The following XPNPEP3 variants were observed in gnomAD, a reference collection of about 807,000 sequenced individuals.
XPNPEP3 encodes xaa-Pro aminopeptidase 3.
In XPNPEP3, 41 loss-of-function variants were observed where a neutral mutation model predicts 60.0. That is an observed-to-expected ratio of 0.68 (90% confidence interval 0.53 to 0.89). XPNPEP3 has a LOEUF of 0.89. Among genes scored for constraint, XPNPEP3 ranks in the 40% least tolerant of loss-of-function variants. The probability of loss-of-function intolerance (pLI) is 0.00; values close to 1 mark genes in which losing one functional copy is unlikely to be tolerated. For synonymous variants in XPNPEP3, 212 were observed against 223.2 expected (o/e 0.95, Z 0.45); for missense variants, 598 against 638.9 (o/e 0.94, Z 0.69).
intron 7 of XPNPEP3, among the ~76,000 whole-genome samples, chr22:40,920,112 A>T (rs1035486121): frequency 5.9e-5 from 9 of 152,196 alleles, no homozygotes; most frequent in Non-Finnish European, 8.8e-5. Flanking sequence ...TCATGCCTGT[A>T]ATCCTAGGAC....
intron 1 of XPNPEP3, chr22:40,860,433 T>C (rs1293833131): frequency 1.6e-5 from 5 of 315,010 alleles, no homozygotes; most frequent in Non-Finnish European, 2.9e-5. Flanking sequence ...TGTAGTACCT[T>C]TAAGTTATAA....
chr22:40,924,963 A>G (rs543202262), intron 9 of XPNPEP3, among the ~76,000 whole-genome samples: 1 of 152,314 alleles, frequency 6.6e-6, no homozygotes, highest in Non-Finnish European at 1.5e-5. Flanking sequence ...TGACTCCTCC[A>G]ATAAACAACA....
chr22:40,895,324 G>T (rs1168225599), intron 4 of XPNPEP3, among the ~76,000 whole-genome samples: 2 of 151,810 alleles, frequency 1.3e-5, no homozygotes, highest in South Asian at 2.1e-4. Flanking sequence ...TTTTAATAGA[G>T]ATTAGTGCTT....
intron 2 of XPNPEP3, among the ~76,000 whole-genome samples, chr22:40,876,157 A>G (rs2058027020): frequency 1.3e-5 from 2 of 152,246 alleles, no homozygotes; most frequent in African/African-American, 4.8e-5. Context: ...ACCTAAAGAA[A>G]TGAATAATAA....
intron 4 of XPNPEP3, among the ~76,000 whole-genome samples, chr22:40,903,434 CTACTTAA>C (rs938737565): frequency 2.6e-5 from 4 of 151,952 alleles, no homozygotes; most frequent in Middle Eastern, 3.5e-3. Flanking sequence ...CCAGCAAAGA[CTACTTAA>C]TACTTAAACA....
rs879446006 is a variant in XPNPEP3 at position 40,867,492 on chromosome 22, T to G, written c.65-1507T>G. Among the ~76,000 whole-genome samples the G allele has an allele frequency of 3.9e-5, 6 of 152,206 alleles. No individual in the cohort carries two copies. In the East Asian group the frequency reaches 7.7e-4, roughly 20 times the overall value. On this transcript the variant is annotated intron_variant, in intron 1 of 9. Transcript: ENST00000357137. ...AAGATTGTTTAGAAAAATCATAGCT[T>G]CTTCTAAAAAGATTTAAAAAAAAGA...
chr22:40,873,789 C>G (rs1466025999), intron 2 of XPNPEP3, among the ~76,000 whole-genome samples: 2 of 151,294 alleles, frequency 1.3e-5, no homozygotes, highest in African/African-American at 2.4e-5. Flanking sequence ...CGAGCAAGAC[C>G]GTCTCAAAAA....
chr22:40,914,529 A>AGATTTTTTT (rs2058188547), intron 7 of XPNPEP3, among the ~76,000 whole-genome samples: 1 of 145,162 alleles, frequency 6.9e-6, no homozygotes, highest in Admixed American at 6.9e-5. Context: ...TAACTAACAA[A>AGATTTTTTT]GATTTTTTTT....
intron 3 of XPNPEP3, among the ~76,000 whole-genome samples, chr22:40,883,744 AT>A (rs879368257): frequency 2.6e-5 from 4 of 151,996 alleles, no homozygotes; most frequent in Non-Finnish European, 5.9e-5. Context: ...ATGTTTTGAG[AT>A]TTTTCTTCTG....
intron 1 of XPNPEP3, among the ~76,000 whole-genome samples, chr22:40,857,630 TAAC>T (rs1403208457): frequency 2.0e-5 from 3 of 152,382 alleles, no homozygotes; most frequent in Non-Finnish European, 2.9e-5. Flanking sequence ...GCATGTTTAG[TAAC>T]AAATTCTTTC....
At chr22:40,861,256 A>G (rs776432350) in intron 1 of XPNPEP3, 3 of 1,614,038 alleles carry the variant, frequency 1.9e-6, no homozygotes, top group African/African-American at 2.7e-5. Flanking sequence ...TTTGGTGAAT[A>G]GTTGTTGAAT....
chr22:40,914,338 A>G lies in XPNPEP3; in HGVS notation c.1055+14A>G. 6.2e-7 allele frequency: 1 copy of G among 1,606,510 alleles called. No homozygotes were observed. The highest frequency in any genetic ancestry group is 8.5e-7 in the Non-Finnish European group (1 of 1,173,208). On this transcript the variant is annotated intron_variant, in intron 7 of 9. Coordinates refer to ENST00000357137, the MANE Select transcript of XPNPEP3 (RefSeq NM_022098.4). Reference sequence around the variant, plus strand: ...AGTCAATGGCAGGTAGGGCTTCTACAGAGTAACGTATCCCACTGCTTCTTA... The same window carrying G: ...AGTCAATGGCAGGTAGGGCTTCTACGGAGTAACGTATCCCACTGCTTCTTA...
chr22:40,886,192 C>T (rs938418616), intron 3 of XPNPEP3, 121 bp from the exon 4 acceptor site: 3 of 974,384 alleles, frequency 3.1e-6, no homozygotes, highest in South Asian at 1.3e-5. Context: ...AGTCTCAACA[C>T]TTTAGAGTTC....
At chr22:40,886,875 G>A (rs1037212056) in intron 4 of XPNPEP3, among the ~76,000 whole-genome samples, 4 of 151,222 alleles carry the variant, frequency 2.6e-5, no homozygotes, top group Non-Finnish European at 4.4e-5. Flanking sequence ...TTTCCAGATT[G>A]GAAAAATCGT....
At chr22:40,907,500 T>A in intron 4 of XPNPEP3, 87 bp from the exon 5 acceptor site, 1 of 1,368,408 alleles carries the variant, frequency 7.3e-7, no homozygotes, top group African/African-American at 1.4e-5. Context: ...GAAAAGGTGC[T>A]TTTCATTTGA....
intron 4 of XPNPEP3, among the ~76,000 whole-genome samples, chr22:40,892,883 C>T (rs901289832): frequency 2.6e-5 from 4 of 151,980 alleles, no homozygotes; most frequent in African/African-American, 9.7e-5. Flanking sequence ...CTCTCCACCT[C>T]CTTATGCCTA....
chr22:40,913,132 C>T (rs774699858), intron 6 of XPNPEP3, among the ~76,000 whole-genome samples: 1 of 152,110 alleles, frequency 6.6e-6, no homozygotes, highest in East Asian at 1.9e-4. Context: ...TAGAGATATA[C>T]TTAAAGTTTT....
rs775539243 is a variant in XPNPEP3 at position 40,860,553 on chromosome 22, G to C, written c.64+3308G>C. The C allele has an allele frequency of 3.2e-6, 3 of 925,078 alleles. No homozygotes were observed. The African/African-American group carries it at 5.1e-5, about 16-fold the overall frequency. The allele number at this position is 925,078 out of a possible 1,614,324, so 57.3% of individuals were successfully genotyped here. ...TGTCTTCTAATGCTATGCATGTTTC[G>C]TAAGTTTGTATAGTGGTTTTAATTA... On this transcript the variant is annotated intron_variant, in intron 1 of 9. Transcript: ENST00000357137.
chr22:40,897,279 C>T (rs564851374), intron 4 of XPNPEP3, among the ~76,000 whole-genome samples: 5 of 152,214 alleles, frequency 3.3e-5, no homozygotes, highest in South Asian at 2.1e-4. Flanking sequence ...CTGCCCACCT[C>T]GGCCTCCCAA....
Sources: gnomAD v4.1 joint callset for allele counts (sites outside exome capture counted in the v4.1 genomes callset) on GRCh38, gnomAD v4.1.1 for gene constraint, MANE v1.5 for transcripts, NCBI Gene and HGNC (gene_info 2026-07-23, HGNC 2026-07-21) for gene names.